PDPR: variants seen among roughly 807,000 people sequenced by gnomAD.
PDPR encodes pyruvate dehydrogenase phosphatase regulatory subunit.
A neutral mutation model predicts 102.2 loss-of-function variants in PDPR; 50 were observed. The ratio of observed to expected loss-of-function variants is 0.49; its 90% CI spans 0.39 to 0.62. The LOEUF (loss-of-function observed/expected upper bound fraction) is 0.62. PDPR is among the 20% of genes least tolerant of loss of function. PDPR has a pLI of 0.00. For synonymous variants in PDPR, 259 were observed against 406.0 expected (o/e 0.64, Z 4.35); for missense variants, 625 against 1,098.2 (o/e 0.57, Z 6.09).
At chr16:70,132,543 CTTTTT>C (rs1196841240) in intron 9 of PDPR, among the ~76,000 whole-genome samples, 4 of 148,726 alleles carry the variant, frequency 2.7e-5, no homozygotes, top group Non-Finnish European at 6.0e-5. Flanking sequence ...CTTAGTTTTA[CTTTTT>C]TTTTTTTATT....
At chr16:70,121,430 A>C (rs1301945188) in intron 3 of PDPR, among the ~76,000 whole-genome samples, 1 of 151,666 alleles carries the variant, frequency 6.6e-6, no homozygotes. Flanking sequence ...GGTGGCTCAC[A>C]CTTGTAATCC....
chr16:70,120,253 T>C, intron 2 of PDPR: 1 of 451,440 alleles, frequency 2.2e-6, no homozygotes, highest in East Asian at 4.3e-5. Context: ...GGTTTCACTG[T>C]GTTAGCCAGG....
At position 70,157,047 on chromosome 16, in the gene PDPR, G is replaced by A. The variant is rs977233117; in HGVS notation, c.*168G>A. 5.0e-6 allele frequency: 5 copies of A among 1,004,116 alleles called. No individual in the cohort carries two copies. In the Admixed American group the frequency reaches 8.0e-5, roughly 16 times the overall value. The allele number at this position is 1,004,116 out of a possible 1,614,324, so 62.2% of individuals were successfully genotyped here. ...GACCTACTTTAAACTTTTTTGCTCT[G>A]CAGCCTTCCTTGCCCTTCCACCTCC... On this transcript the variant is annotated 3_prime_UTR_variant, in exon 19 of 19. Transcript: ENST00000288050.
At chr16:70,129,786 A>G (rs1964352277) in intron 6 of PDPR, among the ~76,000 whole-genome samples, 1 of 152,282 alleles carries the variant, frequency 6.6e-6, no homozygotes, top group Admixed American at 6.5e-5. Flanking sequence ...AGACTTAACT[A>G]GCGTCCAGGG....
chr16:70,158,371 T>G lies in PDPR; in HGVS notation c.*1492T>G, dbSNP rs1967451026. ...GTGTTGGTATCTTGGAAGCATTAGC[T>G]CTGATAGGTCTATAAGTGTATTAAG... On this transcript the variant is annotated 3_prime_UTR_variant, in exon 19 of 19. Coordinates refer to ENST00000288050, the MANE Select transcript of PDPR (RefSeq NM_017990.5). 1 of 152,530 alleles carries G rather than the reference T, an allele frequency of 6.6e-6. No individual in the cohort carries two copies. Among genetic ancestry groups the G allele is most frequent in the South Asian group, 2.1e-4 (1 of 4,836 alleles). The allele number at this position is 152,530 out of a possible 1,614,324, so 9.4% of individuals were successfully genotyped here.
At chr16:70,132,066 T>A in intron 8 of PDPR, 85 bp from the exon 9 acceptor site, 1 of 1,563,716 alleles carries the variant, frequency 6.4e-7, no homozygotes, top group South Asian at 1.1e-5. Context: ...TTTGTTTGGT[T>A]GTTCTGTCCA....
In PDPR at chr16:70,157,004, T is replaced by C; in HGVS notation, c.*125T>C. ...CTTTGCCTCCCATCTCTTATCTCCT[T>C]GATATAATTTTGAACTTGACCTACT... is the stretch of plus-strand genomic sequence containing the variant. On this transcript the variant is annotated 3_prime_UTR_variant, in exon 19 of 19. Coordinates refer to ENST00000288050, the MANE Select transcript of PDPR (RefSeq NM_017990.5). The C allele has an allele frequency of 7.2e-7, 1 of 1,379,738 alleles. No homozygotes were observed. 85.5% of individuals were successfully genotyped at this position (1,379,738 alleles called of 1,614,324 possible).
chr16:70,152,544 C>G (rs1202453871), intron 17 of PDPR, among the ~76,000 whole-genome samples: 39 of 152,338 alleles, frequency 2.6e-4, no homozygotes, highest in East Asian at 5.8e-4. Context: ...ATAAAGTTGT[C>G]TTGATCATAG....
intron 2 of PDPR, 169 bp from the exon 3 acceptor site, chr16:70,120,292 C>T (rs1963103398): frequency 3.8e-6 from 2 of 533,284 alleles, no homozygotes; most frequent in Admixed American, 3.2e-5. Flanking sequence ...CCTCGTGATC[C>T]GCCCGCCTTG....
At chr16:70,148,880 A>G (rs2152114485) in intron 17 of PDPR, among the ~76,000 whole-genome samples, 1 of 152,212 alleles carries the variant, frequency 6.6e-6, no homozygotes, top group South Asian at 2.1e-4. Flanking sequence ...TGCATATTGC[A>G]AGCAAATTCA....
chr16:70,135,112 A>G (rs1170246129), intron 9 of PDPR, among the ~76,000 whole-genome samples: 6 of 152,198 alleles, frequency 3.9e-5, no homozygotes, highest in Non-Finnish European at 5.9e-5. Context: ...CCATGTACCC[A>G]TTATCCAGCT....
In PDPR at chr16:70,160,568, G is replaced by A. The variant is rs1329709386; in HGVS notation, c.*3689G>A. On this transcript the variant is annotated 3_prime_UTR_variant, in exon 19 of 19. Coordinates refer to ENST00000288050, the MANE Select transcript of PDPR (RefSeq NM_017990.5). ...CCGGTTTCACTCTGGCCCCAGGAGT[G>A]GAGCCTGGCCACTCCTGTTTGGTTC... is the stretch of plus-strand genomic sequence containing the variant. 2.0e-5 allele frequency: 3 copies of A among 152,554 alleles called. No individual in the cohort carries two copies. Among genetic ancestry groups the A allele is most frequent in the Non-Finnish European group, 4.4e-5 (3 of 68,278 alleles). 9.5% of individuals were successfully genotyped at this position (152,554 alleles called of 1,614,324 possible). A position where few individuals can be genotyped will look rare whatever the true frequency, so the allele number is the denominator to read the frequency against.
At chr16:70,125,931 G>T (rs183124049) in intron 3 of PDPR, among the ~76,000 whole-genome samples, 1,914 of 151,534 alleles carry the variant, frequency 0.013, no homozygotes, top group Admixed American at 0.018. Context: ...ACTGCACCCA[G>T]CCCTCAATCT....
At chr16:70,148,610 CCCTTCCCA>C in intron 17 of PDPR, 57 bp downstream of exon 17, 1 of 1,056,098 alleles carries the variant, frequency 9.5e-7, no homozygotes, top group Non-Finnish European at 1.4e-6. Flanking sequence ...CCCTTCCCTT[CCCTTCCCA>C]CAACCACTGT....
intron 3 of PDPR, among the ~76,000 whole-genome samples, chr16:70,120,931 CTTT>C (rs71385643): frequency 1.2e-3 from 126 of 103,004 alleles, no homozygotes; most frequent in South Asian, 5.8e-3. Context: ...TTTCGTTTTC[CTTT>C]TTTTTTTTTT....
At chr16:70,118,840 C>T (rs571487186) in intron 2 of PDPR, among the ~76,000 whole-genome samples, 1 of 152,062 alleles carries the variant, frequency 6.6e-6, no homozygotes, top group Non-Finnish European at 1.5e-5. Context: ...AATTTGTCTC[C>T]AGTTGGATGG....
intron 3 of PDPR, among the ~76,000 whole-genome samples, chr16:70,121,124 A>G (rs1240858411): frequency 2.6e-5 from 4 of 151,752 alleles, no homozygotes; most frequent in African/African-American, 4.8e-5. Flanking sequence ...TGCGTTTGTA[A>G]ATAATGTGGA....
chr16:70,155,728 G>A (rs1967087009), intron 18 of PDPR, among the ~76,000 whole-genome samples: 1 of 151,896 alleles, frequency 6.6e-6, no homozygotes, highest in Non-Finnish European at 1.5e-5. Context: ...CTTATTTGTT[G>A]TACATATGTG....
intron 17 of PDPR, 108 bp from the exon 18 acceptor site, chr16:70,153,283 C>G (rs1966843457): frequency 4.1e-6 from 5 of 1,220,028 alleles, no homozygotes; most frequent in Non-Finnish European, 5.7e-6. Context: ...GTTTTATACG[C>G]CTCCTCTCTT....
Sources: gnomAD v4.1 joint callset for allele counts (sites outside exome capture counted in the v4.1 genomes callset) on GRCh38, gnomAD v4.1.1 for gene constraint, MANE v1.5 for transcripts, NCBI Gene and HGNC (gene_info 2026-07-23, HGNC 2026-07-21) for gene names.